Variants in TEAD1 observed in about 807,000 individuals in gnomAD.
TEAD1 encodes the protein transcriptional enhancer factor TEF-1.
A neutral mutation model predicts 54.9 loss-of-function variants in TEAD1; 9 were observed. That is an observed-to-expected ratio of 0.16 (90% CI 0.10 to 0.29). The LOEUF is 0.29. Ranked by LOEUF, TEAD1 falls within the 10% of genes least tolerant of loss-of-function variation. The pLI, the probability that TEAD1 is intolerant of heterozygous loss-of-function variation, is 1.00. For missense variants in TEAD1, 387 were observed against 535.9 expected (o/e 0.72, Z 2.74); for synonymous variants, 200 against 187.8 (o/e 1.07, Z -0.53).
intron 12 of TEAD1, among the ~76,000 whole-genome samples, chr11:12,932,544 G>A (rs943889815): frequency 6.6e-6 from 1 of 152,114 alleles, no homozygotes; most frequent in Non-Finnish European, 1.5e-5. Flanking sequence ...CTGGAAAAGT[G>A]TTAAAGCCCC....
At chr11:12,864,672 C>A (rs1422206077) in intron 4 of TEAD1, 166 bp from the exon 5 acceptor site, 7 of 1,360,658 alleles carry the variant, frequency 5.1e-6, no homozygotes, top group Non-Finnish European at 6.8e-6. Flanking sequence ...CCCTCATAAA[C>A]CCGAACAATG....
At chr11:12,851,721 A>G (rs1417251073) in intron 3 of TEAD1, among the ~76,000 whole-genome samples, 4 of 151,842 alleles carry the variant, frequency 2.6e-5, no homozygotes, top group Admixed American at 2.6e-4. Flanking sequence ...AATCACTTGA[A>G]CCCAGGAGGC....
intron 2 of TEAD1, among the ~76,000 whole-genome samples, chr11:12,720,713 G>T (rs1944177199): frequency 6.6e-6 from 1 of 152,208 alleles, no homozygotes; most frequent in Admixed American, 6.5e-5. Context: ...TCTGTAAGTG[G>T]TCTGAGTTTA....
Position 12,881,682 on chromosome 11 carries a change from G to A in TEAD1, c.513-214G>A, listed in dbSNP as rs1947971936. Reference sequence around the variant, plus strand: ...GGCTGTCTTTCCAGCACATCCCATTGAACTGGAATGAGGCTTGGTGGTTTG... The same window carrying A: ...GGCTGTCTTTCCAGCACATCCCATTAAACTGGAATGAGGCTTGGTGGTTTG... On this transcript the variant is annotated intron_variant, in intron 7 of 12. Transcript: ENST00000527636. 2.0e-5 allele frequency among the ~76,000 whole-genome samples: 3 copies of A among 152,148 alleles called. No homozygotes were observed. In the South Asian group the frequency reaches 6.2e-4, roughly 32 times the overall value.
At chr11:12,689,999 G>A (rs1943420321) in intron 2 of TEAD1, among the ~76,000 whole-genome samples, 1 of 151,992 alleles carries the variant, frequency 6.6e-6, no homozygotes, top group Non-Finnish European at 1.5e-5. Context: ...CCAGCACTTT[G>A]GGAGGCCGAG....
At chr11:12,728,944 T>C (rs928895894) in intron 2 of TEAD1, among the ~76,000 whole-genome samples, 2 of 152,310 alleles carry the variant, frequency 1.3e-5, no homozygotes, top group Non-Finnish European at 2.9e-5. Context: ...CTTGGATGTT[T>C]TGTGAAGAGG....
At chr11:12,726,854 A>C (rs1327256779) in intron 2 of TEAD1, among the ~76,000 whole-genome samples, 2 of 152,128 alleles carry the variant, frequency 1.3e-5, no homozygotes, top group Non-Finnish European at 2.9e-5. Flanking sequence ...CAAATGTATA[A>C]TTTTGTTTAT....
chr11:12,882,525 A>G (rs1341859847), intron 8 of TEAD1, among the ~76,000 whole-genome samples: 1 of 152,156 alleles, frequency 6.6e-6, no homozygotes, highest in South Asian at 2.1e-4. Flanking sequence ...GGATTCCCCA[A>G]ACTGAAAATG....
chr11:12,720,329 T>C lies in TEAD1; in HGVS notation c.-54-43850T>C, dbSNP rs142828125. Among the ~76,000 whole-genome samples, 313 of 152,154 alleles carry C rather than the reference T, an allele frequency of 2.1e-3. 1 individual carries two copies. The highest frequency in any genetic ancestry group is 6.8e-3 in the Middle Eastern group (2 of 294). ...GTTTTTATGTGGACTGGGAAGAAAT[T>C]AGTAGAGAATGCAGAACATATAGAT... On this transcript the variant is annotated intron_variant, in intron 2 of 12. Transcript: ENST00000527636.
chr11:12,727,104 G>A (rs557998186), intron 2 of TEAD1, among the ~76,000 whole-genome samples: 1 of 152,166 alleles, frequency 6.6e-6, no homozygotes, highest in East Asian at 1.9e-4. Flanking sequence ...GCTGGACGTG[G>A]TGGTGCACGC....
chr11:12,828,245 C>T (rs914939713), intron 3 of TEAD1: 2 of 152,324 alleles, frequency 1.3e-5, no homozygotes, highest in East Asian at 1.9e-4. Flanking sequence ...TTCATTCTTC[C>T]TCCGTGCAGC....
rs1943066339 is a variant in TEAD1, at chr11:12,675,573, T to C, written c.-55+12T>C. 6.6e-6 allele frequency: 1 copy of C among 152,196 alleles called. No homozygotes were observed. The highest frequency in any genetic ancestry group is 2.4e-5 in the African/African-American group (1 of 41,454). 9.4% of individuals were successfully genotyped at this position (152,196 alleles called of 1,614,324 possible). A position where few individuals can be genotyped will look rare whatever the true frequency, so the allele number is the denominator to read the frequency against. On this transcript the variant is annotated intron_variant, in intron 2 of 12. Transcript: ENST00000527636. ...TCCCTTCCCTTTCGGTAGGAAATACTGGGGGATTTGTTTGTTGATTGGAAG... is the reference window on the plus strand; with the variant it reads ...TCCCTTCCCTTTCGGTAGGAAATACCGGGGGATTTGTTTGTTGATTGGAAG...
chr11:12,919,366 G>A (rs1401156396), intron 10 of TEAD1, among the ~76,000 whole-genome samples: 1 of 152,124 alleles, frequency 6.6e-6, no homozygotes, highest in Non-Finnish European at 1.5e-5. Context: ...TTGGCTGTAG[G>A]GAATTTACAA....
At chr11:12,860,321 A>T (rs1947472298) in intron 3 of TEAD1, among the ~76,000 whole-genome samples, 1 of 152,182 alleles carries the variant, frequency 6.6e-6, no homozygotes, top group African/African-American at 2.4e-5. Context: ...AGAAGTGCTG[A>T]CTAAGGCTTA....
intron 2 of TEAD1, among the ~76,000 whole-genome samples, chr11:12,714,129 G>A (rs370379226): frequency 1.9e-3 from 283 of 152,282 alleles, no homozygotes; most frequent in African/African-American, 6.4e-3. Flanking sequence ...GAATATCTGG[G>A]CAGGCAGGAA....
In TEAD1 at chr11:12,827,602, A is replaced by T. The variant is rs146824301; in HGVS notation, c.203-34648A>T. ...ATCCCATCTACTGATTCTAGGTCCTATGGTCATTCCTTTGCTTTATGTTGC... is the reference window on the plus strand; with the variant it reads ...ATCCCATCTACTGATTCTAGGTCCTTTGGTCATTCCTTTGCTTTATGTTGC... On this transcript the variant is annotated intron_variant, in intron 3 of 12. Transcript: ENST00000527636. Among the ~76,000 whole-genome samples the T allele has an allele frequency of 5.8e-3, 885 of 152,306 alleles. 5 individuals carry two copies. Among genetic ancestry groups the T allele is most frequent in the Middle Eastern group, 0.014 (4 of 294 alleles).
intron 2 of TEAD1, among the ~76,000 whole-genome samples, chr11:12,758,397 C>T (rs999635536): frequency 1.4e-5 from 2 of 147,964 alleles, no homozygotes; most frequent in Non-Finnish European, 3.0e-5. Context: ...TGTCATCACG[C>T]CCAGCTAGTT....
At position 12,927,054 on chromosome 11, in the gene TEAD1, T is replaced by C. The variant is rs375096528; in HGVS notation, c.1014+2002T>C. 2.0e-4 allele frequency among the ~76,000 whole-genome samples: 31 copies of C among 152,330 alleles called. No homozygotes were observed. In the East Asian group the frequency reaches 3.1e-3, roughly 15 times the overall value. On this transcript the variant is annotated intron_variant, in intron 11 of 12. Transcript: ENST00000527636. ...GATGAACCAGACAGCTTACTCAATT[T>C]CCCAAATGTCAAATTACTGGTGTCC...
At chr11:12,796,250 AG>A (rs1945918210) in intron 3 of TEAD1, among the ~76,000 whole-genome samples, 1 of 152,316 alleles carries the variant, frequency 6.6e-6, no homozygotes, top group Admixed American at 6.5e-5. Context: ...AGAACATGAA[AG>A]GTGGTGTGGA....
Sources: allele counts gnomAD v4.1 joint callset (sites outside exome capture counted in the v4.1 genomes callset), GRCh38; gene constraint gnomAD v4.1.1; transcripts MANE v1.5; gene names NCBI Gene and HGNC (gene_info 2026-07-23, HGNC 2026-07-21).